RGS7: variants seen among roughly 807,000 people sequenced by gnomAD.
RGS7 encodes the protein regulator of G protein signaling 7.
Under a neutral mutation model 81.1 loss-of-function variants are expected in RGS7, and 27 were observed. The ratio of observed to expected loss-of-function variants is 0.33; its 90% CI spans 0.25 to 0.46. The LOEUF (loss-of-function observed/expected upper bound fraction) is 0.46. Among genes scored for constraint, RGS7 ranks in the 20% least tolerant of loss-of-function variants. The pLI is 1.00. For synonymous variants in RGS7, 208 were observed against 207.7 expected (o/e 1.00, Z -0.01); for missense variants, 396 against 607.4 (o/e 0.65, Z 3.66).
At chr1:241,259,005 T>C (rs1175638109) in intron 2 of RGS7, among the ~76,000 whole-genome samples, 1 of 152,132 alleles carries the variant, frequency 6.6e-6, no homozygotes, top group Non-Finnish European at 1.5e-5. Context: ...AGGAAAATTG[T>C]AGAGAGATAC....
intron 2 of RGS7, among the ~76,000 whole-genome samples, chr1:241,327,965 A>G (rs930885614): frequency 6.6e-6 from 1 of 152,230 alleles, no homozygotes; most frequent in African/African-American, 2.4e-5. Flanking sequence ...CAGAAATAAC[A>G]TATGGCTTGA....
chr1:241,205,908 G>A (rs1468632283), intron 2 of RGS7, among the ~76,000 whole-genome samples: 2 of 152,294 alleles, frequency 1.3e-5, no homozygotes, highest in South Asian at 2.1e-4. Flanking sequence ...GACCTATGGA[G>A]AGGTACAAGA....
intron 9 of RGS7, among the ~76,000 whole-genome samples, chr1:240,827,669 C>T (rs1693081162): frequency 2.0e-5 from 3 of 151,898 alleles, no homozygotes; most frequent in Non-Finnish European, 4.4e-5. Context: ...TCGAGACCAG[C>T]CTGACCAATA....
At chr1:241,306,395 A>G (rs977435454) in intron 2 of RGS7, among the ~76,000 whole-genome samples, 2 of 150,566 alleles carry the variant, frequency 1.3e-5, no homozygotes, top group Non-Finnish European at 3.0e-5. Flanking sequence ...TTACACCCTT[A>G]CACACACCCT....
At chr1:241,098,324 G>C (rs2064446893) in intron 3 of RGS7, among the ~76,000 whole-genome samples, 1 of 152,216 alleles carries the variant, frequency 6.6e-6, no homozygotes, top group South Asian at 2.1e-4. Context: ...CTCCCCATCA[G>C]TCAGGAAAAA....
chr1:240,892,011 A>T (rs1207732610), intron 6 of RGS7, among the ~76,000 whole-genome samples: 1 of 152,206 alleles, frequency 6.6e-6, no homozygotes, highest in Admixed American at 6.5e-5. Flanking sequence ...CTCTGAGAGG[A>T]CGGGAGGATC....
At chr1:241,048,523 C>T (rs1163533165) in intron 3 of RGS7, among the ~76,000 whole-genome samples, 3 of 152,102 alleles carry the variant, frequency 2.0e-5, no homozygotes, top group Non-Finnish European at 1.5e-5. Flanking sequence ...TATAGTTTTA[C>T]TAATAATACT....
chr1:241,040,080 A>G (rs1467123846), intron 3 of RGS7, among the ~76,000 whole-genome samples: 1 of 152,238 alleles, frequency 6.6e-6, no homozygotes, highest in Non-Finnish European at 1.5e-5. Context: ...AATGACAGAA[A>G]TCAGTCATAT....
intron 2 of RGS7, 42 bp from the exon 3 acceptor site, chr1:241,098,804 CT>C: frequency 2.7e-6 from 4 of 1,463,974 alleles, no homozygotes; most frequent in African/African-American, 1.4e-5. Context: ...TAAAGTTGAA[CT>C]TTTTTGAAAA....
At chr1:240,860,596 C>T (rs759345269) in intron 9 of RGS7, among the ~76,000 whole-genome samples, 7 of 152,170 alleles carry the variant, frequency 4.6e-5, no homozygotes, top group South Asian at 2.1e-4. Context: ...GGCACACACA[C>T]GCTTGCTTCG....
chr1:240,898,131 C>T (rs546218624), intron 6 of RGS7, among the ~76,000 whole-genome samples: 1 of 151,994 alleles, frequency 6.6e-6, no homozygotes, highest in Non-Finnish European at 1.5e-5. Context: ...TGGTGATATA[C>T]CCTTTATCAT....
At chr1:240,861,736 A>AT (rs921543984) in intron 9 of RGS7, among the ~76,000 whole-genome samples, 16 of 151,172 alleles carry the variant, frequency 1.1e-4, no homozygotes, top group Non-Finnish European at 5.9e-5. Flanking sequence ...TAATTTCACA[A>AT]TTTTTTTTTG....
chr1:241,060,258 C>T (rs936504736), intron 3 of RGS7, among the ~76,000 whole-genome samples: 1 of 152,100 alleles, frequency 6.6e-6, no homozygotes, highest in African/African-American at 2.4e-5. Context: ...AATGCCAAAC[C>T]ACTTACAGTG....
intron 2 of RGS7, among the ~76,000 whole-genome samples, chr1:241,140,997 A>G (rs993303228): frequency 1.3e-5 from 2 of 152,148 alleles, no homozygotes; most frequent in Non-Finnish European, 2.9e-5. Flanking sequence ...GTAGGAGACA[A>G]TTCCCACCAC....
chr1:240,909,038 G>A lies in RGS7; in HGVS notation c.385+21679C>T, dbSNP rs544556909. Among the ~76,000 whole-genome samples, 4 of 152,294 alleles carry A rather than the reference G, an allele frequency of 2.6e-5. No individual in the cohort carries two copies. The East Asian group carries it at 5.8e-4, about 22-fold the overall frequency. On this transcript the variant is annotated intron_variant, in intron 6 of 18. Transcript: ENST00000440928. Reference sequence around the variant, plus strand: ...AGAAAGTCTGCCTGTCACATCATACGCAGCAGAATCACAAAGTTGTGAATG... The same window carrying A: ...AGAAAGTCTGCCTGTCACATCATACACAGCAGAATCACAAAGTTGTGAATG...
chr1:241,028,295 T>C (rs1408910831), intron 3 of RGS7, among the ~76,000 whole-genome samples: 1 of 152,220 alleles, frequency 6.6e-6, no homozygotes, highest in Non-Finnish European at 1.5e-5. Flanking sequence ...AGAAATCTGC[T>C]TGTGAATTGA....
Position 241,302,046 on chromosome 1 carries a change from G to A in RGS7, c.78+53653C>T, listed in dbSNP as rs144057062. On this transcript the variant is annotated intron_variant, in intron 2 of 18. Coordinates refer to ENST00000440928, the MANE Select transcript of RGS7 (RefSeq NM_001364886.1). ...TGGGCAGAATGGGACATTAAATGGG[G>A]CCCTTATTAGGAAGTTGACATCTGA... Among the ~76,000 whole-genome samples the A allele has an allele frequency of 9.8e-5, 15 of 152,292 alleles. No homozygotes were observed. In the East Asian group the frequency reaches 2.7e-3, roughly 27 times the overall value.
chr1:241,129,639 AC>A (rs1020932056), intron 2 of RGS7, among the ~76,000 whole-genome samples: 6 of 152,010 alleles, frequency 3.9e-5, no homozygotes, highest in Non-Finnish European at 8.8e-5. Flanking sequence ...GACATAATCA[AC>A]CCCCTAAAGA....
At chr1:240,938,534 C>T (rs771718137) in intron 4 of RGS7, among the ~76,000 whole-genome samples, 5 of 152,128 alleles carry the variant, frequency 3.3e-5, no homozygotes, top group African/African-American at 7.2e-5. Flanking sequence ...CATAAATAAA[C>T]AATTTGTTGT....
Sources: allele counts gnomAD v4.1 joint callset (sites outside exome capture counted in the v4.1 genomes callset), GRCh38; gene constraint gnomAD v4.1.1; transcripts MANE v1.5; gene names NCBI Gene and HGNC (gene_info 2026-07-23, HGNC 2026-07-21).